DLGAP2: variants seen among roughly 807,000 people sequenced by gnomAD.
The protein encoded by DLGAP2 is disks large-associated protein 2.
In DLGAP2, 26 loss-of-function variants were observed where a neutral mutation model predicts 100.3. The ratio of observed to expected loss-of-function variants is 0.26; its 90% confidence interval spans 0.19 to 0.36. DLGAP2 has a LOEUF of 0.36. Ranked by LOEUF, DLGAP2 falls within the 10% of genes least tolerant of loss-of-function variation. The pLI is 1.00. For synonymous variants in DLGAP2, 886 were observed against 630.1 expected (o/e 1.41, Z -6.08); for missense variants, 1,858 against 1,453.2 (o/e 1.28, Z -4.53).
At chr8:1,672,797 G>C (rs533587232) in intron 10 of DLGAP2, among the ~76,000 whole-genome samples, 3 of 152,240 alleles carry the variant, frequency 2.0e-5, no homozygotes, top group African/African-American at 4.8e-5. Flanking sequence ...GGCAGAGCAC[G>C]TCTCAGAGGG....
At chr8:1,089,800 C>T (rs1288862598) in intron 2 of DLGAP2, among the ~76,000 whole-genome samples, 5 of 152,318 alleles carry the variant, frequency 3.3e-5, no homozygotes, top group African/African-American at 4.8e-5. Flanking sequence ...TCCATTCTTT[C>T]GCTTTTGTAT....
intron 5 of DLGAP2, among the ~76,000 whole-genome samples, chr8:1,555,217 C>A (rs1403879079): frequency 6.6e-6 from 1 of 152,176 alleles, no homozygotes; most frequent in Non-Finnish European, 1.5e-5. Context: ...CCTGCACAAT[C>A]CTTCCGCAGC....
chr8:1,346,277 G>C (rs1585282364), intron 3 of DLGAP2, among the ~76,000 whole-genome samples: 2 of 151,252 alleles, frequency 1.3e-5, no homozygotes, highest in African/African-American at 4.9e-5. Context: ...TGGATGTTGA[G>C]TTCCCATACA....
intron 6 of DLGAP2, among the ~76,000 whole-genome samples, chr8:1,587,173 A>T (rs897335068): frequency 1.3e-5 from 2 of 152,250 alleles, no homozygotes; most frequent in African/African-American, 4.8e-5. Flanking sequence ...GCAAAGCCTT[A>T]TCCCAAATAC....
intron 8 of DLGAP2, among the ~76,000 whole-genome samples, chr8:1,637,416 C>A (rs117450173): frequency 0.036 from 5,415 of 151,910 alleles, 142 homozygotes; most frequent in South Asian, 0.059. Context: ...GAAACTGTTG[C>A]GCGGGGCTCT....
intron 3 of DLGAP2, among the ~76,000 whole-genome samples, chr8:1,496,269 A>G (rs937094132): frequency 2.0e-5 from 3 of 151,522 alleles, no homozygotes; most frequent in African/African-American, 7.3e-5. Context: ...TCTACATGAG[A>G]CATTGCGGTG....
At chr8:1,323,134 A>G (rs1349590536) in intron 3 of DLGAP2, among the ~76,000 whole-genome samples, 1 of 151,802 alleles carries the variant, frequency 6.6e-6, no homozygotes, top group Non-Finnish European at 1.5e-5. Context: ...GGTTCAAGCA[A>G]TTCTCCTACC....
At chr8:1,145,625 T>A (rs1030958390) in intron 2 of DLGAP2, among the ~76,000 whole-genome samples, 2 of 152,192 alleles carry the variant, frequency 1.3e-5, no homozygotes, top group Non-Finnish European at 1.5e-5. Flanking sequence ...TTCTTTTTTT[T>A]ATTATACTTT....
intron 2 of DLGAP2, among the ~76,000 whole-genome samples, chr8:1,120,506 C>G (rs902293006): frequency 6.6e-6 from 1 of 152,126 alleles, no homozygotes; most frequent in South Asian, 2.1e-4. Flanking sequence ...GCCACCCATC[C>G]TTCGGAACCC....
chr8:891,116 G>C (rs1798025200), intron 1 of DLGAP2: 1 of 150,824 alleles, frequency 6.6e-6, no homozygotes, highest in African/African-American at 2.5e-5. Context: ...GAGGAATTCG[G>C]GGTAAATAAG....
Position 1,417,059 on chromosome 8 carries a change from C to T in DLGAP2, c.107-84307C>T, listed in dbSNP as rs557025443. Among the ~76,000 whole-genome samples the T allele has an allele frequency of 4.9e-4, 24 of 48,930 alleles. No individual in the cohort carries two copies. In the South Asian group the frequency reaches 0.011, roughly 23 times the overall value. 32.1% of individuals were successfully genotyped at this position (48,930 alleles called of 152,430 possible). A position where few individuals can be genotyped will look rare whatever the true frequency, so the allele number is the denominator to read the frequency against. ...CGGTCCCGCCCCACACTGTCCCCGGCGGGTTCAGCAGGAGAAAGGGCGGGG... is the reference window on the plus strand; with the variant it reads ...CGGTCCCGCCCCACACTGTCCCCGGTGGGTTCAGCAGGAGAAAGGGCGGGG... On this transcript the variant is annotated intron_variant, in intron 3 of 14. Transcript: ENST00000637795.
intron 2 of DLGAP2, among the ~76,000 whole-genome samples, chr8:997,088 T>A (rs1024594928): frequency 3.3e-5 from 5 of 152,236 alleles, no homozygotes; most frequent in African/African-American, 1.2e-4. Context: ...ACGGACTGTT[T>A]TGTTCATTGT....
At chr8:1,118,472 C>A (rs188476537) in intron 2 of DLGAP2, among the ~76,000 whole-genome samples, 1 of 152,202 alleles carries the variant, frequency 6.6e-6, no homozygotes, top group African/African-American at 2.4e-5. Flanking sequence ...AACTTCTGCA[C>A]TGGGACAAAT....
intron 6 of DLGAP2, among the ~76,000 whole-genome samples, chr8:1,570,219 G>T (rs59205760): frequency 6.6e-6 from 1 of 152,316 alleles, no homozygotes; most frequent in African/African-American, 2.4e-5. Context: ...TCCATGTGCC[G>T]TCTTCATTCT....
At chr8:1,447,615 A>G (rs1798017535) in intron 3 of DLGAP2, among the ~76,000 whole-genome samples, 2 of 152,180 alleles carry the variant, frequency 1.3e-5, no homozygotes, top group African/African-American at 4.8e-5. Context: ...TGAGTTTGTG[A>G]GGATTCCATC....
intron 2 of DLGAP2, among the ~76,000 whole-genome samples, chr8:1,024,056 G>C (rs1463165733): frequency 6.6e-6 from 1 of 151,960 alleles, no homozygotes; most frequent in Non-Finnish European, 1.5e-5. Context: ...TGCGGTGTGG[G>C]GTGTTTCAGA....
At chr8:915,293 A>T (rs1798567197) in intron 2 of DLGAP2, among the ~76,000 whole-genome samples, 1 of 152,160 alleles carries the variant, frequency 6.6e-6, no homozygotes, top group Non-Finnish European at 1.5e-5. Context: ...CACGCCTGTA[A>T]TCCCAGCGCT....
chr8:1,302,417 C>T (rs1554438365), intron 3 of DLGAP2: 28 of 115,952 alleles, frequency 2.4e-4, no homozygotes, highest in South Asian at 5.6e-4. Flanking sequence ...CTGTGAGTTC[C>T]CGAGCTCTGC....
chr8:1,118,674 AC>A (rs1795958696), intron 2 of DLGAP2, among the ~76,000 whole-genome samples: 1 of 152,170 alleles, frequency 6.6e-6, no homozygotes, highest in Admixed American at 6.5e-5. Flanking sequence ...GCTTAGAGCA[AC>A]CTTCAAGATC....
Sources: allele counts gnomAD v4.1 joint callset (sites outside exome capture counted in the v4.1 genomes callset), GRCh38; gene constraint gnomAD v4.1.1; transcripts MANE v1.5; gene names NCBI Gene and HGNC (gene_info 2026-07-23, HGNC 2026-07-21).